The following CHLSN variants were observed in gnomAD, a reference collection of about 807,000 sequenced individuals.
CHLSN encodes the protein cholesin.
At chr7:997,507 G>T in the CHLSN span, 1 of 882,852 alleles carries the variant, frequency 1.1e-6, no homozygotes, top group Non-Finnish European at 1.6e-6. Context: ...GGAGCTGAAA[G>T]CCCTTGCTCA....
At chr7:1,030,503 C>A in the CHLSN span, among the ~76,000 whole-genome samples, 2 of 152,230 alleles carry the variant, frequency 1.3e-5, no homozygotes. Flanking sequence ...CTTCACTCCA[C>A]TCCATCTCAC....
the CHLSN span, among the ~76,000 whole-genome samples, chr7:1,127,616 G>GGGC: frequency 6.6e-6 from 1 of 150,950 alleles, no homozygotes; most frequent in East Asian, 1.9e-4. Context: ...TTTTGAGTCA[G>GGGC]GGCCTCACTC....
chr7:993,207 CA>C, the CHLSN span, among the ~76,000 whole-genome samples: 93 of 152,278 alleles, frequency 6.1e-4, no homozygotes, highest in African/African-American at 2.1e-3. Flanking sequence ...CCAGACAGGG[CA>C]GGGGGACGGC....
At chr7:997,249 GCCAGCATGCCCCAATCT>G in the CHLSN span, 1 of 179,974 alleles carries the variant, frequency 5.6e-6, no homozygotes, top group African/African-American at 2.4e-5. Flanking sequence ...GGCGGGAGGA[GCCAGCATGCCCCAATCT>G]CTAAAATATT....
chr7:986,765 A>T, the CHLSN span: 4 of 1,597,242 alleles, frequency 2.5e-6, no homozygotes, highest in African/African-American at 5.4e-5. Context: ...CCCCGTGTGC[A>T]GCTATGTGGA....
the CHLSN span, among the ~76,000 whole-genome samples, chr7:1,097,297 C>T: frequency 6.6e-6 from 1 of 152,074 alleles, no homozygotes; most frequent in South Asian, 2.1e-4. The surrounding 1 kb of genome is among the most constrained non-coding windows in gnomAD (Gnocchi z 4.3). Context: ...ACAAGATGAG[C>T]CTGGGACAGG....
the CHLSN span, among the ~76,000 whole-genome samples, chr7:1,098,170 T>C: frequency 1.3e-5 from 2 of 152,146 alleles, no homozygotes; most frequent in Non-Finnish European, 2.9e-5. Flanking sequence ...GACGGGACTG[T>C]GCGAGTCACC....
chr7:982,002 C>T, the CHLSN span, among the ~76,000 whole-genome samples: 2 of 152,288 alleles, frequency 1.3e-5, no homozygotes, highest in Middle Eastern at 3.4e-3. Context: ...GCACGGTAAT[C>T]CAGCCTGGGC....
At chr7:1,068,827 G>A in the CHLSN span, among the ~76,000 whole-genome samples, 2 of 152,174 alleles carry the variant, frequency 1.3e-5, no homozygotes, top group African/African-American at 4.8e-5. Flanking sequence ...ATTGTGGGCT[G>A]CAACAAAATG....
chr7:1,136,168 GTATAAATATACATAAT>G, the CHLSN span, among the ~76,000 whole-genome samples: 1 of 86,542 alleles, frequency 1.2e-5, no homozygotes, highest in African/African-American at 5.2e-5. Flanking sequence ...ACATAAATAT[GTATAAATATACATAAT>G]TATAAATATA....
the CHLSN span, among the ~76,000 whole-genome samples, chr7:1,126,359 C>CAAAAAAA: frequency 4.9e-5 from 2 of 40,484 alleles, no homozygotes; most frequent in African/African-American, 8.1e-5. Flanking sequence ...GACTCTGTCT[C>CAAAAAAA]AAAAAAAAAA....
At chr7:1,086,665 T>C in the CHLSN span, 1 of 152,212 alleles carries the variant, frequency 6.6e-6, no homozygotes, top group Non-Finnish European at 1.5e-5. Flanking sequence ...CCAGCTCTCC[T>C]GGCGGGGAGC....
chr7:1,117,291 A>G, the CHLSN span, among the ~76,000 whole-genome samples: 1 of 77,248 alleles, frequency 1.3e-5, no homozygotes, highest in African/African-American at 6.8e-5. Flanking sequence ...CCCACGCAGG[A>G]TGATGACATC....
At chr7:1,022,289 C>T in the CHLSN span, among the ~76,000 whole-genome samples, 4 of 152,200 alleles carry the variant, frequency 2.6e-5, no homozygotes, top group African/African-American at 9.6e-5. Flanking sequence ...CTTTCTCCTG[C>T]ATCGCCTCAG....
chr7:1,044,943 C>A, the CHLSN span, among the ~76,000 whole-genome samples: 1 of 152,280 alleles, frequency 6.6e-6, no homozygotes, highest in Non-Finnish European at 1.5e-5. Flanking sequence ...GCGCCGCCAC[C>A]GGCTCTCCCA....
the CHLSN span, among the ~76,000 whole-genome samples, chr7:1,031,878 C>T: frequency 2.2e-3 from 325 of 151,102 alleles, 3 homozygotes; most frequent in African/African-American, 7.6e-3. Flanking sequence ...GGTCCAGGTG[C>T]GGGGGGCGGC....
At chr7:1,000,616 T>C in the CHLSN span, 3 of 1,346,456 alleles carry the variant, frequency 2.2e-6, no homozygotes, top group Non-Finnish European at 3.1e-6. Flanking sequence ...CTGTCTGCCC[T>C]GAGAGATCGG....
At chr7:1,099,145 C>T in the CHLSN span, among the ~76,000 whole-genome samples, 3 of 137,916 alleles carry the variant, frequency 2.2e-5, no homozygotes, top group Non-Finnish European at 3.2e-5. Context: ...CCTCCCCTTC[C>T]GGAGCCTCGC....
the CHLSN span, among the ~76,000 whole-genome samples, chr7:1,060,647 G>A: frequency 2.6e-5 from 4 of 152,350 alleles, no homozygotes; most frequent in African/African-American, 9.6e-5. Context: ...GGCTCTGGGT[G>A]GCTCCTGCGG....
Sources: gnomAD v4.1 joint callset for allele counts (sites outside exome capture counted in the v4.1 genomes callset) on GRCh38, gnomAD v4.1.1 for gene constraint, Gnocchi (gnomAD v3.1) non-coding constraint, MANE v1.5 for transcripts, NCBI Gene and HGNC (gene_info 2026-07-23, HGNC 2026-07-21) for gene names.